Variants in LINGO2 observed in about 807,000 individuals in gnomAD.
The protein encoded by LINGO2 is leucine-rich repeat and immunoglobulin-like domain-containing nogo receptor-interacting protein 2.
Under a neutral mutation model 30.6 loss-of-function variants are expected in LINGO2, and 14 were observed. That is an observed-to-expected ratio of 0.46 (90% CI 0.30 to 0.72). The LOEUF is 0.72. LINGO2 is among the 30% of genes least tolerant of loss of function. LINGO2 has a pLI of 0.07. For synonymous variants in LINGO2, 317 were observed against 288.5 expected (o/e 1.10, Z -1.00); for missense variants, 729 against 751.7 (o/e 0.97, Z 0.35).
At chr9:28,789,006 C>A in the LINGO2 span, among the ~76,000 whole-genome samples, 1 of 151,974 alleles carries the variant, frequency 6.6e-6, no homozygotes, top group Non-Finnish European at 1.5e-5. Context: ...ATAATATAAA[C>A]CTATTATTTC....
At chr9:28,285,875 G>C (rs1823489889) in intron 4 of LINGO2, among the ~76,000 whole-genome samples, 1 of 152,128 alleles carries the variant, frequency 6.6e-6, no homozygotes, top group Non-Finnish European at 1.5e-5. Context: ...CTACCCAGTA[G>C]TACATACCCA....
the LINGO2 span, among the ~76,000 whole-genome samples, chr9:28,932,661 T>C: frequency 1.3e-5 from 2 of 152,128 alleles, no homozygotes; most frequent in Admixed American, 1.3e-4. Flanking sequence ...ACTAAGCCTG[T>C]GCCTCCTCCT....
chr9:28,884,792 T>A, the LINGO2 span, among the ~76,000 whole-genome samples: 1 of 144,928 alleles, frequency 6.9e-6, no homozygotes, highest in Admixed American at 7.0e-5. Context: ...AGTGTGTGTG[T>A]ATATATATTC....
intron 2 of LINGO2, among the ~76,000 whole-genome samples, chr9:28,438,126 T>C (rs1292531864): frequency 1.3e-5 from 2 of 152,116 alleles, no homozygotes; most frequent in African/African-American, 4.8e-5. Flanking sequence ...TTGATTTCTA[T>C]GGCTATTGAA....
chr9:28,911,110 T>C, the LINGO2 span, among the ~76,000 whole-genome samples: 1 of 152,014 alleles, frequency 6.6e-6, no homozygotes, highest in Non-Finnish European at 1.5e-5. Context: ...AGAGGGAATA[T>C]ATGATCTGGG....
At chr9:28,059,079 G>A (rs1167329050) in intron 4 of LINGO2, among the ~76,000 whole-genome samples, 3 of 152,136 alleles carry the variant, frequency 2.0e-5, no homozygotes, top group Admixed American at 2.0e-4. Context: ...AAAAAGCTGA[G>A]TGTTGGGAGG....
At chr9:29,153,571 G>T in the LINGO2 span, among the ~76,000 whole-genome samples, 1 of 152,124 alleles carries the variant, frequency 6.6e-6, no homozygotes, top group Non-Finnish European at 1.5e-5. Flanking sequence ...ACTAAAAATA[G>T]ATATTATATC....
chr9:27,980,143 G>A, intron 5 of LINGO2, among the ~76,000 whole-genome samples: 1 of 151,930 alleles, frequency 6.6e-6, no homozygotes, highest in South Asian at 2.1e-4. Context: ...TGCAAAGGAA[G>A]GATCCTGCTT....
At chr9:28,775,060 T>G in the LINGO2 span, among the ~76,000 whole-genome samples, 85 of 152,080 alleles carry the variant, frequency 5.6e-4, no homozygotes, top group Non-Finnish European at 6.3e-4. Flanking sequence ...GAGTGACCAA[T>G]AATGTGTGTG....
intron 4 of LINGO2, among the ~76,000 whole-genome samples, chr9:28,038,945 A>AT (rs1444121068): frequency 6.6e-6 from 1 of 152,210 alleles, no homozygotes; most frequent in Non-Finnish European, 1.5e-5. Flanking sequence ...TCTCTTCCAA[A>AT]TAAACCTTCT....
the LINGO2 span, among the ~76,000 whole-genome samples, chr9:29,076,900 T>G: frequency 1.3e-5 from 2 of 151,912 alleles, no homozygotes; most frequent in African/African-American, 4.8e-5. Flanking sequence ...AAAGTTTGGT[T>G]AAGAATTAAA....
At chr9:28,162,391 G>C (rs1828311244) in intron 4 of LINGO2, among the ~76,000 whole-genome samples, 1 of 152,222 alleles carries the variant, frequency 6.6e-6, no homozygotes, top group South Asian at 2.1e-4. Context: ...GACTCTGGGT[G>C]AAAAATCACA....
chr9:28,197,332 A>T (rs1296958548), intron 4 of LINGO2, among the ~76,000 whole-genome samples: 1 of 152,016 alleles, frequency 6.6e-6, no homozygotes, highest in East Asian at 1.9e-4. Flanking sequence ...TCTACACAAC[A>T]TTAAAATATG....
chr9:28,328,128 T>C (rs1204450821), intron 3 of LINGO2, among the ~76,000 whole-genome samples: 1 of 152,104 alleles, frequency 6.6e-6, no homozygotes, highest in African/African-American at 2.4e-5. Context: ...ATATATTGTA[T>C]CCAGAGGAAA....
At chr9:28,727,478 C>G in the LINGO2 span, among the ~76,000 whole-genome samples, 1 of 151,942 alleles carries the variant, frequency 6.6e-6, no homozygotes, top group South Asian at 2.1e-4. Context: ...TTAGTAAAGA[C>G]GGGGTTTCAA....
At chr9:28,570,066 G>C (rs1823604038) in intron 1 of LINGO2, among the ~76,000 whole-genome samples, 2 of 151,832 alleles carry the variant, frequency 1.3e-5, no homozygotes, top group African/African-American at 4.8e-5. Flanking sequence ...GATTAACCAA[G>C]GGAAGGCTAC....
rs974612777 is a variant in LINGO2, at chr9:28,389,224, T to C, written c.-278-16356A>G. ...TAAAAATATTGAATGGCAAAACATATGAACTATTCTTTTAGCTTATATTTA... is the reference window on the plus strand; with the variant it reads ...TAAAAATATTGAATGGCAAAACATACGAACTATTCTTTTAGCTTATATTTA... On this transcript the variant is annotated intron_variant, in intron 2 of 5. Transcript: ENST00000379992. Among the ~76,000 whole-genome samples the C allele has an allele frequency of 3.9e-5, 6 of 152,262 alleles. No individual in the cohort carries two copies. The South Asian group carries it at 8.3e-4, about 21-fold the overall frequency.
the LINGO2 span, among the ~76,000 whole-genome samples, chr9:28,830,787 T>TAC: frequency 6.6e-6 from 1 of 152,034 alleles, no homozygotes; most frequent in African/African-American, 2.4e-5. Flanking sequence ...TACATGCTCA[T>TAC]ACACACACAC....
At chr9:29,098,361 T>C in the LINGO2 span, among the ~76,000 whole-genome samples, 3 of 152,068 alleles carry the variant, frequency 2.0e-5, no homozygotes, top group African/African-American at 7.2e-5. Flanking sequence ...TAAAAAGTGC[T>C]AAACAAAAGG....
Sources: gnomAD v4.1 joint callset for allele counts (sites outside exome capture counted in the v4.1 genomes callset) on GRCh38, gnomAD v4.1.1 for gene constraint, MANE v1.5 for transcripts, NCBI Gene and HGNC (gene_info 2026-07-23, HGNC 2026-07-21) for gene names.